ZNF670: variants seen among roughly 807,000 people sequenced by gnomAD.
ZNF670 encodes zinc finger protein 670.
In ZNF670, 7 loss-of-function variants were observed where a neutral mutation model predicts 10.9. The ratio of observed to expected loss-of-function variants is 0.64; its 90% CI spans 0.36 to 1.20. The LOEUF is 1.20. Among genes scored for constraint, ZNF670 ranks in the 50% most tolerant of loss-of-function variants. ZNF670 has a pLI of 0.02. For missense variants in ZNF670, 446 were observed against 458.6 expected, an observed-to-expected ratio of 0.97 and a Z score of 0.25; for synonymous variants, 136 against 152.7, an observed-to-expected ratio of 0.89 and a Z score of 0.81.
At chr1:247,045,692 G>C (rs550564344) in intron 1 of ZNF670, among the ~76,000 whole-genome samples, 1 of 152,188 alleles carries the variant, frequency 6.6e-6, no homozygotes, top group East Asian at 1.9e-4. Context: ...TGAGGAGTGG[G>C]GTGTTGCTAT....
In ZNF670 at chr1:247,037,724, G is replaced by C. The variant is rs1670193884; in HGVS notation, c.895C>G (p.His299Asp). ...TTTTCTCCACTGTGAGTCCTTTCAT[G>C]GACTCTGAGGACTCTGGAACATCTA... ...AFRCSRVLRV[H>D]ERTHSGEKPY... is the part of the protein sequence containing the mutation. Residue 299 changes from histidine to aspartate, a missense_variant, in exon 4 of 4, where the codon CAT becomes GAT. Physicochemically the swap from His to Asp is moderately conservative, Grantham distance 81. Coordinates refer to ENST00000366503, the MANE Select transcript of ZNF670 (RefSeq NM_033213.5). The C allele has an allele frequency of 6.2e-7, 1 of 1,613,696 alleles. No individual in the cohort carries two copies. The highest frequency in any genetic ancestry group is 8.5e-7 in the Non-Finnish European group (1 of 1,179,900).
intron 1 of ZNF670, among the ~76,000 whole-genome samples, chr1:247,040,263 T>C (rs1440201688): frequency 6.6e-6 from 1 of 152,222 alleles, no homozygotes; most frequent in Non-Finnish European, 1.5e-5. Flanking sequence ...TGCAAGTAGT[T>C]TACTCCAGAC....
At chr1:247,040,756 G>A (rs1211602079) in intron 1 of ZNF670, among the ~76,000 whole-genome samples, 1 of 152,070 alleles carries the variant, frequency 6.6e-6, no homozygotes. Flanking sequence ...GCAATGGCGT[G>A]ATCTCGGCTC....
chr1:247,073,678 C>T (rs1333401986), intron 1 of ZNF670, among the ~76,000 whole-genome samples: 1 of 152,152 alleles, frequency 6.6e-6, no homozygotes, highest in East Asian at 1.9e-4. Context: ...AATTCTCCAA[C>T]ACCTACTAAT....
intron 1 of ZNF670, chr1:247,043,513 G>T (rs1184919724): frequency 3.0e-6 from 2 of 656,982 alleles, no homozygotes; most frequent in Admixed American, 3.9e-5. Context: ...GCTGGGATAA[G>T]ATTTTAGCCC....
At chr1:247,057,694 G>A (rs1670752800) in intron 1 of ZNF670, among the ~76,000 whole-genome samples, 1 of 152,192 alleles carries the variant, frequency 6.6e-6, no homozygotes, top group African/African-American at 2.4e-5. Flanking sequence ...CAACACGGAT[G>A]AAACTGGAAG....
At chr1:247,071,427 CACACAG>C (rs1191184078) in intron 1 of ZNF670, among the ~76,000 whole-genome samples, 2 of 152,170 alleles carry the variant, frequency 1.3e-5, no homozygotes, top group Non-Finnish European at 2.9e-5. Context: ...ACGATGAGTA[CACACAG>C]ACACAAAGAG....
At chr1:247,043,361 T>C in intron 1 of ZNF670, 1 of 549,846 alleles carries the variant, frequency 1.8e-6, no homozygotes, top group Non-Finnish European at 3.4e-6. Context: ...ATTTGAGCCT[T>C]GTAAAGCATG....
Position 247,036,627 on chromosome 1 carries a change from C to A in ZNF670, c.*822G>T, listed in dbSNP as rs544166129. On this transcript the variant is annotated 3_prime_UTR_variant, in exon 4 of 4. Transcript: ENST00000366503. ...CAGTGAGCTAAGACTATTATTACCACTACACTTCAGCCTAGCTGACAAAGT... is the reference window on the plus strand; with the variant it reads ...CAGTGAGCTAAGACTATTATTACCAATACACTTCAGCCTAGCTGACAAAGT... 6.2e-4 allele frequency among the ~76,000 whole-genome samples: 95 copies of A among 152,244 alleles called. No homozygotes were observed. Among genetic ancestry groups the A allele is most frequent in the Non-Finnish European group, 9.7e-4 (66 of 68,020 alleles).
chr1:247,052,556 A>T (rs1241613973), intron 1 of ZNF670, among the ~76,000 whole-genome samples: 1 of 151,430 alleles, frequency 6.6e-6, no homozygotes, highest in Non-Finnish European at 1.5e-5. Context: ...TTTTCGGTGC[A>T]TTGTTTTTCT....
At chr1:247,048,383 A>T (rs1670509693) in intron 1 of ZNF670, among the ~76,000 whole-genome samples, 1 of 152,108 alleles carries the variant, frequency 6.6e-6, no homozygotes, top group Non-Finnish European at 1.5e-5. Context: ...ATCTGAAACC[A>T]CCTCAGCCTG....
At chr1:247,073,075 G>A (rs1489122505) in intron 1 of ZNF670, among the ~76,000 whole-genome samples, 1 of 151,782 alleles carries the variant, frequency 6.6e-6, no homozygotes, top group Non-Finnish European at 1.5e-5. Flanking sequence ...AACTGCACAA[G>A]GTCTGTTTAT....
At chr1:247,039,020 G>T in intron 2 of ZNF670, 150 bp from the exon 3 acceptor site, 1 of 464,542 alleles carries the variant, frequency 2.2e-6, no homozygotes, top group Non-Finnish European at 3.8e-6. Context: ...TCATAACCAA[G>T]AAACACTTGT....
chr1:247,055,167 C>G (rs1670686249), intron 1 of ZNF670, among the ~76,000 whole-genome samples: 1 of 152,254 alleles, frequency 6.6e-6, no homozygotes, highest in Non-Finnish European at 1.5e-5. Context: ...CACAGAAACA[C>G]CTTTGTCCTT....
intron 1 of ZNF670, among the ~76,000 whole-genome samples, chr1:247,067,841 CAAAAAAAAAAAAAA>C (rs61211824): frequency 0.096 from 8,224 of 85,688 alleles, 804 homozygotes; most frequent in African/African-American, 0.23. Flanking sequence ...GACTCCGTCT[CAAAAAAAAAAAAAA>C]AAAAAAAAAA....
At chr1:247,078,558 T>C (rs1304914150) in intron 1 of ZNF670, 36 bp downstream of exon 1, 2 of 1,613,414 alleles carry the variant, frequency 1.2e-6, no homozygotes, top group Non-Finnish European at 8.5e-7. Flanking sequence ...GCGGTTCCCT[T>C]TTCCCCTTCC....
intron 1 of ZNF670, among the ~76,000 whole-genome samples, chr1:247,066,098 C>G (rs1189190657): frequency 6.6e-6 from 1 of 152,206 alleles, no homozygotes; most frequent in African/African-American, 2.4e-5. Context: ...AGAGGAGAGT[C>G]AAGATGGTCA....
intron 1 of ZNF670, among the ~76,000 whole-genome samples, chr1:247,048,036 G>A (rs1171768135): frequency 6.6e-6 from 1 of 152,136 alleles, no homozygotes; most frequent in African/African-American, 2.4e-5. Context: ...TTCTGCAGCT[G>A]GCTTAAATTT....
chr1:247,074,207 C>G (rs1196783154), intron 1 of ZNF670, among the ~76,000 whole-genome samples: 2 of 152,026 alleles, frequency 1.3e-5, no homozygotes, highest in East Asian at 3.8e-4. Context: ...CCAAATTTGT[C>G]TTCAGTGGTC....
Sources: allele counts gnomAD v4.1 joint callset (sites outside exome capture counted in the v4.1 genomes callset), GRCh38; gene constraint gnomAD v4.1.1; transcripts MANE v1.5; gene names NCBI Gene and HGNC (gene_info 2026-07-23, HGNC 2026-07-21).